Variants in CNTNAP2 observed in about 807,000 individuals in gnomAD.
CNTNAP2 encodes the protein contactin associated protein 2.
In CNTNAP2, 98 loss-of-function variants were observed where a neutral mutation model predicts 155.2. That is an observed-to-expected ratio of 0.63 (90% confidence interval 0.54 to 0.75). The LOEUF (loss-of-function observed/expected upper bound fraction) is 0.75, where lower values mean the gene tolerates loss of function less well. CNTNAP2 is among the 30% of genes least tolerant of loss of function. The probability of loss-of-function intolerance (pLI) is 0.00; values close to 1 mark genes in which losing one functional copy is unlikely to be tolerated. For missense variants in CNTNAP2, 1,727 were observed against 1,688.1 expected, an observed-to-expected ratio of 1.02 and a Z score of -0.40; for synonymous variants, 651 against 631.2, an observed-to-expected ratio of 1.03 and a Z score of -0.47.
chr7:148,236,326 C>T (rs1415054671), intron 20 of CNTNAP2, among the ~76,000 whole-genome samples: 2 of 152,202 alleles, frequency 1.3e-5, no homozygotes, highest in East Asian at 3.8e-4. Context: ...ACCCGTGAGG[C>T]TAAGTCAGTT....
At chr7:147,972,146 T>G (rs1285771782) in intron 14 of CNTNAP2, among the ~76,000 whole-genome samples, 1 of 152,248 alleles carries the variant, frequency 6.6e-6, no homozygotes, top group East Asian at 1.9e-4. Context: ...GTATTTGTAC[T>G]TATATCTATG....
intron 8 of CNTNAP2, among the ~76,000 whole-genome samples, chr7:147,239,015 G>A (rs544103599): frequency 6.6e-6 from 1 of 152,126 alleles, no homozygotes; most frequent in South Asian, 2.1e-4. Flanking sequence ...TAATATACAA[G>A]GAAATGGATA....
chr7:146,550,404 T>TTTTTTTG (rs1563130734), intron 1 of CNTNAP2, among the ~76,000 whole-genome samples: 5 of 100,430 alleles, frequency 5.0e-5, no homozygotes, highest in African/African-American at 1.7e-4. Context: ...TTAATCTGTT[T>TTTTTTTG]TTTTTTTTTT....
intron 14 of CNTNAP2, among the ~76,000 whole-genome samples, chr7:147,937,111 A>G (rs1334177795): frequency 6.6e-6 from 1 of 151,916 alleles, no homozygotes; most frequent in African/African-American, 2.4e-5. Context: ...TTATTTTTGG[A>G]TCCTTCACTG....
At chr7:147,530,391 GC>G (rs1349067471) in intron 11 of CNTNAP2, among the ~76,000 whole-genome samples, 1 of 152,050 alleles carries the variant, frequency 6.6e-6, no homozygotes, top group Non-Finnish European at 1.5e-5. Flanking sequence ...TGTTGGCCAG[GC>G]TGGTCTCGAA....
intron 4 of CNTNAP2, among the ~76,000 whole-genome samples, chr7:147,078,440 C>T (rs1015376431): frequency 2.0e-5 from 3 of 152,128 alleles, no homozygotes; most frequent in South Asian, 2.1e-4. Flanking sequence ...TCTGGAGCCC[C>T]GATGACTGTT....
chr7:147,883,827 AATGTTT>A (rs1799562900), intron 13 of CNTNAP2, among the ~76,000 whole-genome samples: 1 of 152,236 alleles, frequency 6.6e-6, no homozygotes. Context: ...GCATCTGAAA[AATGTTT>A]ATTAACCACC....
At chr7:146,776,045 T>A (rs1802384592) in intron 2 of CNTNAP2, among the ~76,000 whole-genome samples, 2 of 152,114 alleles carry the variant, frequency 1.3e-5, no homozygotes, top group African/African-American at 4.8e-5. Flanking sequence ...AATATATTTC[T>A]CTCTCATAAA....
At chr7:147,049,562 C>T (rs912240797) in intron 4 of CNTNAP2, among the ~76,000 whole-genome samples, 3 of 152,034 alleles carry the variant, frequency 2.0e-5, no homozygotes, top group African/African-American at 7.2e-5. Context: ...TTAGACACAG[C>T]CCCCCATTTT....
intron 3 of CNTNAP2, among the ~76,000 whole-genome samples, chr7:147,012,375 G>A (rs1798643166): frequency 6.6e-6 from 1 of 152,086 alleles, no homozygotes; most frequent in African/African-American, 2.4e-5. Context: ...ACTTTTAAGT[G>A]ATTCAGAAGG....
At chr7:146,644,391 G>A (rs957298146) in intron 1 of CNTNAP2, among the ~76,000 whole-genome samples, 1 of 152,048 alleles carries the variant, frequency 6.6e-6, no homozygotes, top group South Asian at 2.1e-4. Context: ...TCAAAGGCCT[G>A]TTCTGCATCT....
At chr7:148,194,885 A>G (rs1795252157) in intron 18 of CNTNAP2, among the ~76,000 whole-genome samples, 1 of 152,122 alleles carries the variant, frequency 6.6e-6, no homozygotes, top group South Asian at 2.1e-4. Context: ...ATACTAATTT[A>G]TGGCAACACC....
At chr7:146,529,476 T>G (rs901930610) in intron 1 of CNTNAP2, among the ~76,000 whole-genome samples, 5 of 152,162 alleles carry the variant, frequency 3.3e-5, no homozygotes, top group Non-Finnish European at 5.9e-5. Context: ...TTTCATCTGA[T>G]TCTCAAGAAC....
intron 13 of CNTNAP2, among the ~76,000 whole-genome samples, chr7:147,854,077 ATGTGCTGACAGCTTG>A (rs1298110782): frequency 6.6e-6 from 1 of 152,194 alleles, no homozygotes; most frequent in Non-Finnish European, 1.5e-5. Flanking sequence ...CAAGATGTTT[ATGTGCTGACAGCTTG>A]TGTGCCTACC....
At chr7:147,043,765 G>A in intron 3 of CNTNAP2, 142 bp from the exon 4 acceptor site, 1 of 1,011,764 alleles carries the variant, frequency 9.9e-7, no homozygotes, top group South Asian at 1.6e-5. Context: ...GAGTAAGGAA[G>A]CAGCTTTCTT....
chr7:146,504,620 C>A (rs140693065), intron 1 of CNTNAP2, among the ~76,000 whole-genome samples: 26 of 152,150 alleles, frequency 1.7e-4, no homozygotes, highest in African/African-American at 6.3e-4. Context: ...TCTACAGTTA[C>A]GACACCTGCT....
intron 23 of CNTNAP2, chr7:148,414,903 TTAG>T (rs1176316816): frequency 4.8e-6 from 1 of 207,082 alleles, no homozygotes; most frequent in African/African-American, 2.3e-5. Flanking sequence ...CATGCACATG[TTAG>T]TATTATTCGG....
At chr7:147,139,222 G>C (rs1246839159) in intron 8 of CNTNAP2, among the ~76,000 whole-genome samples, 1 of 152,076 alleles carries the variant, frequency 6.6e-6, no homozygotes, top group Non-Finnish European at 1.5e-5. Context: ...CATATACAAT[G>C]TGGTCCTTTA....
chr7:146,654,422 G>A (rs962687430), intron 1 of CNTNAP2, among the ~76,000 whole-genome samples: 22 of 152,074 alleles, frequency 1.4e-4, no homozygotes, highest in Admixed American at 1.4e-3. Context: ...CCTAGAATGT[G>A]CCTTTCTATT....
Sources: allele counts gnomAD v4.1 joint callset (sites outside exome capture counted in the v4.1 genomes callset), GRCh38; gene constraint gnomAD v4.1.1; transcripts MANE v1.5; gene names NCBI Gene and HGNC (gene_info 2026-07-23, HGNC 2026-07-21).